Variants in LYST observed in about 807,000 individuals in gnomAD.
LYST encodes the protein lysosomal trafficking regulator.
LYST carries 192 observed loss-of-function variants against 413.6 expected under a neutral mutation model. That is an observed-to-expected ratio of 0.46 (90% CI 0.41 to 0.52). The LOEUF (loss-of-function observed/expected upper bound fraction) is 0.52, where lower values mean the gene tolerates loss of function less well. LYST is among the 20% of genes least tolerant of loss of function. The pLI, the probability that LYST is intolerant of heterozygous loss-of-function variation, is 0.00. For missense variants in LYST, 3,815 were observed against 4,499.9 expected (o/e 0.85, Z 4.35); for synonymous variants, 1,525 against 1,567.3 (o/e 0.97, Z 0.64).
intron 29 of LYST, among the ~76,000 whole-genome samples, chr1:235,744,727 C>T (rs1270790373): frequency 6.6e-6 from 1 of 151,734 alleles, no homozygotes; most frequent in Admixed American, 6.6e-5. Flanking sequence ...TGGTGGAACC[C>T]CATCTCTACA....
At position 235,662,768 on chromosome 1, in the gene LYST, C is replaced by T. The variant is rs1658135855; in HGVS notation, c.*172G>A. 1 of 720,926 alleles carries T rather than the reference C, an allele frequency of 1.4e-6. No homozygotes were observed. The highest frequency in any genetic ancestry group is 1.7e-5 in the African/African-American group (1 of 58,132). The allele number at this position is 720,926 out of a possible 1,614,324, so 44.7% of individuals were successfully genotyped here. On this transcript the variant is annotated 3_prime_UTR_variant, in exon 53 of 53. Transcript: ENST00000389793. ...ATCACTAAAATAGAACAGAACTTTC[C>T]TCTTAGGATCATGTGACTCTTCAGA...
chr1:235,702,358 T>C (rs1661615711), intron 45 of LYST, among the ~76,000 whole-genome samples: 1 of 152,210 alleles, frequency 6.6e-6, no homozygotes, highest in Non-Finnish European at 1.5e-5. Context: ...TGATTGTAGA[T>C]GATAACCAAG....
At chr1:235,761,335 T>C (rs1667567223) in intron 22 of LYST, among the ~76,000 whole-genome samples, 1 of 152,152 alleles carries the variant, frequency 6.6e-6, no homozygotes, top group African/African-American at 2.4e-5. Flanking sequence ...ATAAGAGCAA[T>C]GTCCCAGTAT....
At chr1:235,722,911 T>C (rs950155056) in intron 39 of LYST, among the ~76,000 whole-genome samples, 1 of 152,204 alleles carries the variant, frequency 6.6e-6, no homozygotes, top group Non-Finnish European at 1.5e-5. Flanking sequence ...AATATGGCAA[T>C]TTTTATTTGA....
Position 235,780,849 on chromosome 1 carries a change from TA to T in LYST, c.5214+15del. On this transcript the variant is annotated intron_variant, in intron 16 of 52. Transcript: ENST00000389793. ...ACATTTACTATAAAATTAAAATTTA[TA>T]AAATTAAAACTTACAATTAAGAGAC... 1 of 1,162,748 alleles carries T rather than the reference TA, an allele frequency of 8.6e-7. No individual in the cohort carries two copies. 72.0% of individuals were successfully genotyped at this position (1,162,748 alleles called of 1,614,324 possible). A position where few individuals can be genotyped will look rare whatever the true frequency, so the allele number is the denominator to read the frequency against.
intron 38 of LYST, among the ~76,000 whole-genome samples, chr1:235,725,483 C>A (rs1181041542): frequency 6.6e-6 from 1 of 151,956 alleles, no homozygotes; most frequent in Admixed American, 6.6e-5. Context: ...AACCAGGAAG[C>A]AAGCTTGTCT....
At chr1:235,873,738 T>C (rs2891665) in intron 1 of LYST, among the ~76,000 whole-genome samples, 11,732 of 152,300 alleles carry the variant, frequency 0.077, 1,522 homozygotes, top group African/African-American at 0.27. Flanking sequence ...TACAAATTTC[T>C]GATTAACTTT....
chr1:235,782,202 A>G lies in LYST; in HGVS notation c.4863-115T>C, dbSNP rs2011390. ...ATTCTTTTTTTTTTTTTTTGGAGACAGAGTCTCGCTCTGTTGCCCAGGTTG... is the reference window on the plus strand; with the variant it reads ...ATTCTTTTTTTTTTTTTTTGGAGACGGAGTCTCGCTCTGTTGCCCAGGTTG... On this transcript the variant is annotated intron_variant, in intron 14 of 52. Coordinates refer to ENST00000389793, the MANE Select transcript of LYST (RefSeq NM_000081.4). The G allele has an allele frequency of 0.77, 692,685 of 900,194 alleles. 268,705 individuals are homozygous for G. Among genetic ancestry groups the G allele is most frequent in the African/African-American group, 0.9 (52,690 of 58,654 alleles). 55.8% of individuals were successfully genotyped at this position (900,194 alleles called of 1,614,324 possible).
intron 3 of LYST, among the ~76,000 whole-genome samples, chr1:235,821,340 G>A (rs1674727432): frequency 6.6e-6 from 1 of 152,226 alleles, no homozygotes; most frequent in Non-Finnish European, 1.5e-5. Context: ...GGGAGGCTGA[G>A]GTGGGAGGAT....
chr1:235,880,201 A>G (rs1299336596), intron 1 of LYST, among the ~76,000 whole-genome samples: 3 of 152,152 alleles, frequency 2.0e-5, no homozygotes, highest in African/African-American at 7.2e-5. Context: ...TTCTTTTTGT[A>G]TTGACCACTT....
At position 235,734,637 on chromosome 1, in the gene LYST, T is replaced by C; in HGVS notation, c.8381A>G (p.Tyr2794Cys). The C allele has an allele frequency of 1.9e-6, 3 of 1,610,426 alleles. No homozygotes were observed. Among genetic ancestry groups the C allele is most frequent in the Non-Finnish European group, 2.5e-6 (3 of 1,177,794 alleles). ...GTGATTATGTATCAACTCTGACAAA[T>C]ACAAAACTAACTTGGCTCCATGCTT... ...SLQHGAKLVLYLSELIHNHQG... is the reference protein window; with the variant it reads ...SLQHGAKLVLCLSELIHNHQG... The change falls in exon 32 of 53, where the codon TAT becomes TGT. Residue 2794 changes from tyrosine (Y) to cysteine (C), a missense_variant. Coordinates refer to ENST00000389793, the MANE Select transcript of LYST (RefSeq NM_000081.4).
At chr1:235,710,634 C>A (rs1175250739) in intron 43 of LYST, among the ~76,000 whole-genome samples, 2 of 152,208 alleles carry the variant, frequency 1.3e-5, no homozygotes, top group Non-Finnish European at 2.9e-5. Context: ...GTCTTGCATG[C>A]CCTTCCAGAA....
Position 235,746,450 on chromosome 1 carries a change from C to G in LYST, c.7858G>C (p.Val2620Leu). 1 of 1,613,684 alleles carries G rather than the reference C, an allele frequency of 6.2e-7. No individual in the cohort carries two copies. Among genetic ancestry groups the G allele is most frequent in the East Asian group, 2.2e-5 (1 of 44,868 alleles). The change falls in exon 29 of 53, where the codon GTG (valine) becomes CTG (leucine). Residue 2620 changes from valine to leucine, a missense_variant. This residue lies in a region of LYST where 771 missense variants were observed against 837.1 expected (regional missense o/e 0.92). Transcript: ENST00000389793. The stretch of plus-strand genomic sequence containing the variant: ...TGGCTCATTCTCCGTTGCATCATCA[C>G]ATGAAGCTCATCATTTGCCACTGAA... ...MRSVANDELH[V>L]MMQRRMSQEN...
chr1:235,718,928 G>A (rs1165743621), intron 40 of LYST, among the ~76,000 whole-genome samples: 1 of 152,094 alleles, frequency 6.6e-6, no homozygotes, highest in Non-Finnish European at 1.5e-5. Flanking sequence ...ATTTCCATGT[G>A]TTTCAACTAA....
At chr1:235,734,344 A>G in intron 32 of LYST, 139 bp downstream of exon 32, 1 of 751,624 alleles carries the variant, frequency 1.3e-6, no homozygotes, top group Non-Finnish European at 2.3e-6. Context: ...CAAAAGCAAT[A>G]TAGTATATAG....
chr1:235,675,516 A>G (rs1659315563), intron 50 of LYST, among the ~76,000 whole-genome samples: 1 of 152,114 alleles, frequency 6.6e-6, no homozygotes, highest in African/African-American at 2.4e-5. Context: ...TGCCTTCCTG[A>G]GAAATCTTCT....
At chr1:235,800,509 G>A (rs1672093573) in intron 9 of LYST, 123 bp from the exon 10 acceptor site, 5 of 637,630 alleles carry the variant, frequency 7.8e-6, no homozygotes, top group Non-Finnish European at 1.4e-5. Flanking sequence ...ATTTAAAAAT[G>A]ACTAAAAAGA....
intron 45 of LYST, among the ~76,000 whole-genome samples, chr1:235,699,366 C>T (rs1220952020): frequency 6.6e-6 from 1 of 152,118 alleles, no homozygotes; most frequent in African/African-American, 2.4e-5. Context: ...TGTTAGTTTG[C>T]TGAGGATGAG....
At chr1:235,808,422 C>G in intron 5 of LYST, 33 bp downstream of exon 5, 1 of 1,603,608 alleles carries the variant, frequency 6.2e-7, no homozygotes, top group Non-Finnish European at 8.5e-7. Flanking sequence ...CTCAACAACC[C>G]CCGCCCCCGC....
Sources: allele counts gnomAD v4.1 joint callset (sites outside exome capture counted in the v4.1 genomes callset), GRCh38; gene constraint gnomAD v4.1.1; regional missense constraint gnomAD v4.1.1; transcripts MANE v1.5; gene names NCBI Gene and HGNC (gene_info 2026-07-23, HGNC 2026-07-21).